GNAQ: variants seen among roughly 807,000 people sequenced by gnomAD.
GNAQ encodes the protein G protein subunit alpha q, also known as guanine nucleotide-binding protein G(q) subunit alpha.
Under a neutral mutation model 43.9 loss-of-function variants are expected in GNAQ, and 8 were observed. The ratio of observed to expected loss-of-function variants is 0.18; its 90% CI spans 0.11 to 0.33. The LOEUF (loss-of-function observed/expected upper bound fraction) is 0.33, where lower values mean the gene tolerates loss of function less well. Ranked by LOEUF, GNAQ falls within the 10% of genes least tolerant of loss-of-function variation. GNAQ has a pLI of 1.00. For missense variants in GNAQ, 158 were observed against 450.8 expected (o/e 0.35, Z 5.88); for synonymous variants, 155 against 170.7 (o/e 0.91, Z 0.71).
intron 1 of GNAQ, among the ~76,000 whole-genome samples, chr9:77,981,733 T>C (rs922314644): frequency 6.6e-6 from 1 of 152,196 alleles, no homozygotes; most frequent in African/African-American, 2.4e-5. Context: ...GAAAAGCTAT[T>C]AGACATGTCT....
At chr9:77,901,690 C>T (rs1424259758) in intron 2 of GNAQ, among the ~76,000 whole-genome samples, 1 of 152,168 alleles carries the variant, frequency 6.6e-6, no homozygotes, top group Non-Finnish European at 1.5e-5. Flanking sequence ...TGAACGCTAC[C>T]ATCCTATACT....
chr9:77,979,387 A>T (rs1823341908), intron 1 of GNAQ, among the ~76,000 whole-genome samples: 1 of 151,824 alleles, frequency 6.6e-6, no homozygotes, highest in African/African-American at 2.4e-5. Flanking sequence ...AAATTAAATT[A>T]AAATTAAAAT....
chr9:77,989,378 T>C (rs551369785), intron 1 of GNAQ, among the ~76,000 whole-genome samples: 1 of 152,372 alleles, frequency 6.6e-6, no homozygotes, highest in African/African-American at 2.4e-5. Flanking sequence ...TGTTGAATCC[T>C]GAATTGGACC....
At chr9:77,890,313 G>A (rs967287791) in intron 2 of GNAQ, among the ~76,000 whole-genome samples, 1 of 152,128 alleles carries the variant, frequency 6.6e-6, no homozygotes, top group African/African-American at 2.4e-5. Context: ...GAAGCCATCT[G>A]GCATTACTTA....
intron 2 of GNAQ, among the ~76,000 whole-genome samples, chr9:77,852,746 T>C (rs948724553): frequency 6.6e-5 from 10 of 152,246 alleles, no homozygotes; most frequent in Non-Finnish European, 1.2e-4. Flanking sequence ...TCACTCAGTA[T>C]CTCATGAGGA....
At chr9:77,996,664 C>A (rs1303455014) in intron 1 of GNAQ, among the ~76,000 whole-genome samples, 32 of 119,592 alleles carry the variant, frequency 2.7e-4, no homozygotes, top group African/African-American at 9.9e-4. Context: ...GACAACAGAG[C>A]GAGACTCCAT....
chr9:77,896,947 G>A lies in GNAQ; in HGVS notation c.321+25214C>T, dbSNP rs189528961. Among the ~76,000 whole-genome samples, 6 of 152,220 alleles carry A rather than the reference G, an allele frequency of 3.9e-5. No homozygotes were observed. In the East Asian group the frequency reaches 1.2e-3, roughly 29 times the overall value. ...CATATGACACATTGCATGGGCAGCT[G>A]TGTTTTGTCCTCCAGAAGTTATCTA... On this transcript the variant is annotated intron_variant, in intron 2 of 6. Transcript: ENST00000286548.
chr9:77,747,937 AGCCATGTTG>A (rs1825754930), intron 5 of GNAQ, among the ~76,000 whole-genome samples: 1 of 152,176 alleles, frequency 6.6e-6, no homozygotes, highest in Non-Finnish European at 1.5e-5. Context: ...TTTTCTATTA[AGCCATGTTG>A]GATGGTGTCA....
intron 2 of GNAQ, among the ~76,000 whole-genome samples, chr9:77,849,141 G>C (rs896452655): frequency 6.6e-6 from 1 of 152,088 alleles, no homozygotes; most frequent in Non-Finnish European, 1.5e-5. Flanking sequence ...TCACAGGACA[G>C]CACCCCCTGC....
chr9:77,861,798 G>A lies in GNAQ; in HGVS notation c.322-46028C>T, dbSNP rs147262367. Among the ~76,000 whole-genome samples the A allele has an allele frequency of 7.1e-3, 1,075 of 152,140 alleles. 8 individuals carry two copies. Among genetic ancestry groups the A allele is most frequent in the Middle Eastern group, 0.034 (10 of 294 alleles). On this transcript the variant is annotated intron_variant, in intron 2 of 6. Coordinates refer to ENST00000286548, the MANE Select transcript of GNAQ (RefSeq NM_002072.5). ...CAGGGGGTCACGAGGTCAGGAGTTC[G>A]AGACCAGCCTGGCCAACATGGTGAA...
At chr9:77,920,220 C>A (rs1317238388) in intron 2 of GNAQ, among the ~76,000 whole-genome samples, 1 of 151,952 alleles carries the variant, frequency 6.6e-6, no homozygotes, top group African/African-American at 2.4e-5. Context: ...GGCATAAATT[C>A]CACCCCATCT....
intron 5 of GNAQ, among the ~76,000 whole-genome samples, chr9:77,768,513 A>C (rs567170318): frequency 7.2e-5 from 11 of 152,324 alleles, no homozygotes; most frequent in African/African-American, 2.6e-4. Flanking sequence ...ACTTGAAAGC[A>C]TGGGTTCAAA....
At chr9:77,973,474 T>C (rs146137657) in intron 1 of GNAQ, among the ~76,000 whole-genome samples, 180 of 152,146 alleles carry the variant, frequency 1.2e-3, no homozygotes, top group African/African-American at 4.0e-3. Context: ...TTAGGAAGAG[T>C]TCACAACCAC....
At chr9:78,010,352 T>G (rs933005526) in intron 1 of GNAQ, among the ~76,000 whole-genome samples, 3 of 152,096 alleles carry the variant, frequency 2.0e-5, no homozygotes, top group South Asian at 2.1e-4. Context: ...CTGAAGCTAG[T>G]TACAGGACAG....
chr9:77,883,872 GA>G (rs1450650393), intron 2 of GNAQ, among the ~76,000 whole-genome samples: 1 of 152,154 alleles, frequency 6.6e-6, no homozygotes, highest in Non-Finnish European at 1.5e-5. Context: ...AAGTAGTTTT[GA>G]TAATTCATGA....
chr9:77,967,405 G>C (rs1393763087), intron 1 of GNAQ, among the ~76,000 whole-genome samples: 1 of 152,132 alleles, frequency 6.6e-6, no homozygotes, highest in Non-Finnish European at 1.5e-5. Context: ...CTTGTTGGTA[G>C]ATTTCGGGTC....
intron 2 of GNAQ, among the ~76,000 whole-genome samples, chr9:77,818,462 A>T (rs1287360740): frequency 1.3e-5 from 2 of 151,968 alleles, no homozygotes; most frequent in African/African-American, 4.8e-5. Flanking sequence ...AAAAAAAAAA[A>T]AGTTCTGTAT....
chr9:77,847,756 G>T (rs1827610500), intron 2 of GNAQ, among the ~76,000 whole-genome samples: 1 of 152,164 alleles, frequency 6.6e-6, no homozygotes, highest in Admixed American at 6.5e-5. Flanking sequence ...TGCATTTTGG[G>T]CCTTGTGCAA....
chr9:77,721,603 T>A (rs921580622), intron 6 of GNAQ, 90 bp from the exon 7 acceptor site: 2 of 784,984 alleles, frequency 2.5e-6, no homozygotes, highest in African/African-American at 3.4e-5. Flanking sequence ...GTGTCATTGC[T>A]CATGAAGCCT....
Sources: allele counts gnomAD v4.1 joint callset (sites outside exome capture counted in the v4.1 genomes callset), GRCh38; gene constraint gnomAD v4.1.1; transcripts MANE v1.5; gene names NCBI Gene and HGNC (gene_info 2026-07-23, HGNC 2026-07-21).